The following DNAAF5 variants were observed in gnomAD, a reference collection of about 807,000 sequenced individuals.
DNAAF5 encodes dynein axonemal assembly factor 5, also known as HEAT repeat containing 2.
In DNAAF5, 64 loss-of-function variants were observed where a neutral mutation model predicts 75.8. The ratio of observed to expected loss-of-function variants is 0.84; its 90% CI spans 0.69 to 1.04. The LOEUF is 1.04. Ranked by LOEUF, DNAAF5 falls within the 50% of genes least tolerant of loss-of-function variation. The probability of loss-of-function intolerance (pLI) is 0.00; values close to 1 mark genes in which losing one functional copy is unlikely to be tolerated. For synonymous variants in DNAAF5, 657 were observed against 557.2 expected, an observed-to-expected ratio of 1.18 and a Z score of -2.52; for missense variants, 1,269 against 1,178.5, an observed-to-expected ratio of 1.08 and a Z score of -1.12.
chr7:778,857 G>T (rs1778848023), intron 11 of DNAAF5, among the ~76,000 whole-genome samples: 1 of 152,254 alleles, frequency 6.6e-6, no homozygotes, highest in Non-Finnish European at 1.5e-5. Context: ...TGCAGCGAGG[G>T]CTCCCGCTGT....
In DNAAF5 at chr7:726,764, C is replaced by G; in HGVS notation, c.44C>G (p.Pro15Arg). 7.9e-7 allele frequency: 1 copy of G among 1,258,872 alleles called. No individual in the cohort carries two copies. The highest frequency in any genetic ancestry group is 1.0e-6 in the Non-Finnish European group (1 of 1,003,784). The allele number at this position is 1,258,872 out of a possible 1,614,324, so 78.0% of individuals were successfully genotyped here. A position where few individuals can be genotyped will look rare whatever the true frequency, so the allele number is the denominator to read the frequency against. ...GVAEAVAAPH[P>R]AEGAETAEAV... The stretch of plus-strand genomic sequence containing the variant: ...GCGGAGGCCGTGGCGGCCCCACACC[C>G]GGCTGAGGGGGCCGAGACGGCTGAG... The change falls in exon 1 of 13, where the codon CCG becomes CGG. Residue 15 changes from proline (P) to arginine (R), a missense_variant. Pro to Arg is a moderately radical substitution (Grantham distance 103, BLOSUM62 -2). Coordinates refer to ENST00000297440, the MANE Select transcript of DNAAF5 (RefSeq NM_017802.4).
intron 8 of DNAAF5, chr7:768,756 C>T (rs1014872118): frequency 1.6e-4 from 29 of 185,612 alleles, no homozygotes; most frequent in Middle Eastern, 2.4e-3. Flanking sequence ...GTGGCTCACC[C>T]GTCAGCGTGC....
Position 754,725 on chromosome 7 carries a change from G to A in DNAAF5, c.1161G>A (p.Leu387=). 6.2e-7 allele frequency: 1 copy of A among 1,613,832 alleles called. No homozygotes were observed. The stretch of plus-strand genomic sequence containing the variant: ...CGGCACAGCTGCTCCCAGTGCTGCT[G>A]CTGCATGCCGAGGACCACGCCACGC... The part of the protein sequence containing the change: ...VKSAQLLPVL[L]LHAEDHATQH... The change falls in exon 5 of 13, where the codon CTG becomes CTA. Residue 387 remains leucine (L), a synonymous_variant. Transcript: ENST00000297440. This position sits in a 1 kb window ranked among gnomAD's most constrained non-coding sequence, Gnocchi z 4.8.
At chr7:745,851 C>T (rs1308139589) in intron 4 of DNAAF5, among the ~76,000 whole-genome samples, 1 of 152,254 alleles carries the variant, frequency 6.6e-6, no homozygotes, top group East Asian at 1.9e-4. Context: ...TCTTTGGAGG[C>T]TGCCTGATTT....
intron 4 of DNAAF5, among the ~76,000 whole-genome samples, chr7:752,311 G>T (rs1171670451): frequency 6.6e-6 from 1 of 151,990 alleles, no homozygotes; most frequent in Non-Finnish European, 1.5e-5. Flanking sequence ...GTGACAGTGG[G>T]CCGGGCCACA....
intron 12 of DNAAF5, among the ~76,000 whole-genome samples, chr7:781,344 A>G (rs917687688): frequency 4.6e-5 from 7 of 152,092 alleles, no homozygotes; most frequent in Admixed American, 3.9e-4. Flanking sequence ...TGTTGATCCA[A>G]TGACTGGATC....
At chr7:730,123 GC>G (rs772086231) in intron 2 of DNAAF5, among the ~76,000 whole-genome samples, 1 of 152,232 alleles carries the variant, frequency 6.6e-6, no homozygotes, top group African/African-American at 2.4e-5. Context: ...TTCAGCAGTT[GC>G]AGAAGGTTCC....
intron 4 of DNAAF5, among the ~76,000 whole-genome samples, chr7:749,031 G>T (rs916526113): frequency 6.6e-6 from 1 of 152,114 alleles, no homozygotes; most frequent in Non-Finnish European, 1.5e-5. Flanking sequence ...AATATAATTC[G>T]TACCATATAA....
At chr7:757,204 T>C (rs1447720447) in intron 6 of DNAAF5, among the ~76,000 whole-genome samples, 3 of 152,238 alleles carry the variant, frequency 2.0e-5, no homozygotes, top group Non-Finnish European at 4.4e-5. Flanking sequence ...CTGATAGCCC[T>C]TGTTCCGGGG....
chr7:750,587 C>G (rs1238973129), intron 4 of DNAAF5, among the ~76,000 whole-genome samples: 2 of 152,174 alleles, frequency 1.3e-5, no homozygotes, highest in Non-Finnish European at 2.9e-5. Flanking sequence ...GGTTTGCCCT[C>G]CCCTGAGAAT....
intron 2 of DNAAF5, among the ~76,000 whole-genome samples, chr7:732,859 C>T (rs1781629245): frequency 6.6e-6 from 1 of 152,092 alleles, no homozygotes; most frequent in Admixed American, 6.6e-5. Context: ...TTTGCCCAGG[C>T]CATGTCCCAG....
intron 9 of DNAAF5, chr7:772,228 CT>C (rs1778592276): frequency 6.6e-6 from 1 of 152,316 alleles, no homozygotes; most frequent in Admixed American, 6.5e-5. Flanking sequence ...CTTTCTGTGT[CT>C]TACCTGGGAC....
Position 770,581 on chromosome 7 carries a change from G to A in DNAAF5, c.1894G>A (p.Val632Met), listed in dbSNP as rs1260339690. The A allele has an allele frequency of 2.1e-5, 34 of 1,613,732 alleles. No homozygotes were observed. Among genetic ancestry groups the A allele is most frequent in the East Asian group, 4.5e-5 (2 of 44,886 alleles). The change falls in exon 9 of 13, where the codon GTG becomes ATG. Residue 632 changes from valine to methionine, a missense_variant. By Grantham distance (21) the Val-to-Met change is conservative (BLOSUM62 1). Transcript: ENST00000297440. ...GAAGCTGTTCTCCATCCTGTCCACC[G>A]TGCTGCTCAGAGCCACGGACACCAT... Reference protein sequence around the residue: ...RLKLFSILSTVLLRATDTINS... With the variant: ...RLKLFSILSTMLLRATDTINS...
intron 4 of DNAAF5, among the ~76,000 whole-genome samples, chr7:745,563 G>A (rs970145680): frequency 4.0e-5 from 6 of 151,626 alleles, no homozygotes; most frequent in South Asian, 2.1e-4. Flanking sequence ...ACACATCCTC[G>A]CACATGTGCA....
chr7:774,909 C>T (rs1005701119), intron 10 of DNAAF5, 97 bp from the exon 11 acceptor site: 12 of 1,043,622 alleles, frequency 1.1e-5, no homozygotes, highest in African/African-American at 1.1e-4. Context: ...CTTTCAAGCC[C>T]CCTAAGTCCT....
intron 1 of DNAAF5, among the ~76,000 whole-genome samples, chr7:728,256 C>T (rs1031524957): frequency 2.0e-5 from 3 of 152,084 alleles, no homozygotes; most frequent in South Asian, 2.1e-4. Flanking sequence ...GAAGGCTTTC[C>T]GAAGGAGGGA....
chr7:768,864 G>A, intron 8 of DNAAF5: 1 of 437,592 alleles, frequency 2.3e-6, no homozygotes, highest in Non-Finnish European at 4.2e-6. Flanking sequence ...TCCAGTTTAA[G>A]ATGTAGAGAG....
intron 9 of DNAAF5, chr7:771,151 A>G (rs551401832): frequency 2.6e-5 from 4 of 152,520 alleles, no homozygotes; most frequent in Admixed American, 6.5e-5. Context: ...TTGAATTTCT[A>G]TTGATGGTCA....
chr7:776,989 G>A (rs1252270520), intron 11 of DNAAF5, among the ~76,000 whole-genome samples: 2 of 152,172 alleles, frequency 1.3e-5, no homozygotes, highest in Non-Finnish European at 2.9e-5. Context: ...AACTGTGCAC[G>A]CGAGGGATCC....
Sources: allele counts gnomAD v4.1 joint callset (sites outside exome capture counted in the v4.1 genomes callset), GRCh38; gene constraint gnomAD v4.1.1; non-coding constraint Gnocchi (gnomAD v3.1); transcripts MANE v1.5; gene names NCBI Gene and HGNC (gene_info 2026-07-23, HGNC 2026-07-21).